The following HEATR3 variants were observed in gnomAD, a reference collection of about 807,000 sequenced individuals.
The protein encoded by HEATR3 is HEAT repeat containing 3, also known as HEAT repeat-containing protein 3.
A neutral mutation model predicts 72.8 loss-of-function variants in HEATR3; 56 were observed. The observed-to-expected ratio is 0.77, with a 90% CI of 0.62 to 0.96. HEATR3 has a LOEUF of 0.96. HEATR3 is among the 40% of genes least tolerant of loss of function. HEATR3 has a pLI of 0.00. For missense variants in HEATR3, 747 were observed against 831.4 expected (o/e 0.90, Z 1.25); for synonymous variants, 331 against 318.1 (o/e 1.04, Z -0.43).
chr16:50,072,791 T>A, intron 5 of HEATR3, 77 bp downstream of exon 5: 3 of 861,712 alleles, frequency 3.5e-6, no homozygotes, highest in Non-Finnish European at 4.0e-6. Context: ...TTGGCGTGTT[T>A]ATTCCACTGG....
chr16:50,080,308 T>C (rs1415377173), intron 7 of HEATR3: 6 of 151,446 alleles, frequency 4.0e-5, no homozygotes, highest in Admixed American at 3.3e-4. Context: ...ATAACAGAAA[T>C]GGGAAGGCCA....
At chr16:50,076,953 C>T (rs1466504294) in intron 6 of HEATR3, among the ~76,000 whole-genome samples, 3 of 151,146 alleles carry the variant, frequency 2.0e-5, no homozygotes, top group East Asian at 1.9e-4. Context: ...CTGCAAGCTC[C>T]GCTTCCCAGG....
chr16:50,091,655 A>G (rs2037113645), intron 11 of HEATR3, among the ~76,000 whole-genome samples: 1 of 151,906 alleles, frequency 6.6e-6, no homozygotes, highest in Admixed American at 6.6e-5. Flanking sequence ...CGGGCAGATC[A>G]TGAGGTCAGG....
chr16:50,083,644 C>T (rs978013769), intron 7 of HEATR3, among the ~76,000 whole-genome samples: 10 of 152,118 alleles, frequency 6.6e-5, no homozygotes, highest in African/African-American at 2.4e-4. Flanking sequence ...GAATTCTGTT[C>T]AGAATTCCTG....
At position 50,100,276 on chromosome 16, in the gene HEATR3, ATAG is replaced by A; in HGVS notation, c.1652_1654del (p.Ser551del). 1 of 1,613,998 alleles carries A rather than the reference ATAG, an allele frequency of 6.2e-7. No individual in the cohort carries two copies. Among genetic ancestry groups the A allele is most frequent in the Non-Finnish European group, 8.5e-7 (1 of 1,179,898 alleles). On this transcript the variant is annotated inframe_deletion, in exon 13 of 15. Coordinates refer to ENST00000299192, the MANE Select transcript of HEATR3 (RefSeq NM_182922.4). Reference sequence around the variant, plus strand: ...ATGACATTATGCAAAGCAGGCATTCATAGTAGTAATGTCGGGGTTAGAGTGAAT... The same window carrying A: ...ATGACATTATGCAAAGCAGGCATTCATAGTAATGTCGGGGTTAGAGTGAAT...
chr16:50,094,658 C>A, intron 11 of HEATR3, 47 bp from the exon 12 acceptor site: 2 of 1,077,844 alleles, frequency 1.9e-6, no homozygotes, highest in Admixed American at 2.4e-5. Flanking sequence ...TACAAAATAG[C>A]CTATCTTGGA....
intron 4 of HEATR3, among the ~76,000 whole-genome samples, chr16:50,070,687 G>A (rs2036592309): frequency 6.6e-6 from 1 of 151,958 alleles, no homozygotes; most frequent in Non-Finnish European, 1.5e-5. Context: ...GGGGGACAGG[G>A]CGAAATTCCT....
chr16:50,095,258 C>T (rs2150622393), intron 12 of HEATR3, among the ~76,000 whole-genome samples: 1 of 152,166 alleles, frequency 6.6e-6, no homozygotes, highest in African/African-American at 2.4e-5. Flanking sequence ...GGATTACAGG[C>T]ATGCGTCACC....
chr16:50,079,793 A>G (rs1461596754), intron 7 of HEATR3, among the ~76,000 whole-genome samples: 1 of 152,142 alleles, frequency 6.6e-6, no homozygotes, highest in African/African-American at 2.4e-5. Context: ...TTAAGATGTA[A>G]TTTCCAGCCT....
At position 50,068,765 on chromosome 16, in the gene HEATR3, A is replaced by G. The variant is rs1257863669; in HGVS notation, c.312-15A>G. 6.2e-7 allele frequency: 1 copy of G among 1,600,082 alleles called. No individual in the cohort carries two copies. Among genetic ancestry groups the G allele is most frequent in the African/African-American group, 1.3e-5 (1 of 74,604 alleles). ...GTGATGTGAAAGTAAAACATGTTTT[A>G]AACTTCTTGTGTAGAAATCTCAGTG... On this transcript the variant is annotated splice_polypyrimidine_tract_variant and intron_variant, in intron 2 of 14. Transcript: ENST00000299192.
chr16:50,075,620 T>C lies in HEATR3; in HGVS notation c.672T>C (p.Ser224=), dbSNP rs2036708963. ...VTEDNPELLK[S]FSATALNMLE... ...AGGATAACCCAGAGCTGCTGAAGTC[T>C]TTCAGTGCTACAGCATTGAACATGC... Residue 224 remains serine (S), a synonymous_variant, in exon 6 of 15, where the codon TCT becomes TCC. Coordinates refer to ENST00000299192, the MANE Select transcript of HEATR3 (RefSeq NM_182922.4). The C allele has an allele frequency of 6.2e-7, 1 of 1,613,150 alleles. No homozygotes were observed. Among genetic ancestry groups the C allele is most frequent in the African/African-American group, 1.3e-5 (1 of 75,042 alleles).
chr16:50,082,435 C>T (rs2036887579), intron 7 of HEATR3, among the ~76,000 whole-genome samples: 1 of 152,120 alleles, frequency 6.6e-6, no homozygotes, highest in Non-Finnish European at 1.5e-5. Flanking sequence ...AGCTTTGAAT[C>T]TCCTCTAATA....
rs985996661 is a variant in HEATR3 at position 50,106,273 on chromosome 16, C to G, written c.*1212C>G. 4 of 152,050 alleles carry G rather than the reference C, an allele frequency of 2.6e-5. No individual in the cohort carries two copies. The highest frequency in any genetic ancestry group is 9.7e-5 in the African/African-American group (4 of 41,406). 9.4% of individuals were successfully genotyped at this position (152,050 alleles called of 1,614,324 possible). The stretch of plus-strand genomic sequence containing the variant: ...AATGAGCTAATGGGGTCATTGCCAT[C>G]CTCCCTACTCATGACTTTGATGAGT... On this transcript the variant is annotated 3_prime_UTR_variant, in exon 15 of 15. Transcript: ENST00000299192.
intron 7 of HEATR3, 95 bp downstream of exon 7, chr16:50,079,113 A>T: frequency 1.6e-6 from 2 of 1,261,434 alleles, no homozygotes; most frequent in Non-Finnish European, 2.2e-6. Context: ...TTATAGCAAA[A>T]TTAGCTATAA....
At chr16:50,101,059 G>A (rs1362365949) in intron 13 of HEATR3, among the ~76,000 whole-genome samples, 1 of 151,720 alleles carries the variant, frequency 6.6e-6, no homozygotes, top group African/African-American at 2.4e-5. Context: ...TTACAATGAT[G>A]ACTGATGTTT....
intron 11 of HEATR3, among the ~76,000 whole-genome samples, chr16:50,090,773 G>T (rs181385177): frequency 6.6e-6 from 1 of 152,180 alleles, no homozygotes; most frequent in Non-Finnish European, 1.5e-5. Context: ...GAATCAGAAC[G>T]TTCTTTTTTA....
chr16:50,067,507 A>G (rs1031416389), intron 2 of HEATR3, among the ~76,000 whole-genome samples: 2 of 106,442 alleles, frequency 1.9e-5, no homozygotes, highest in Admixed American at 1.1e-4. Flanking sequence ...TGACGTGGTT[A>G]AACAGCAGAG....
At chr16:50,094,900 T>C (rs1179989889) in intron 12 of HEATR3, 107 bp downstream of exon 12, 1 of 601,736 alleles carries the variant, frequency 1.7e-6, no homozygotes, top group Non-Finnish European at 2.9e-6. Flanking sequence ...GTTACAAGAA[T>C]AATATGTGAT....
chr16:50,100,061 T>G (rs567268589), intron 12 of HEATR3, among the ~76,000 whole-genome samples, 169 bp from the exon 13 acceptor site: 6 of 149,600 alleles, frequency 4.0e-5, no homozygotes, highest in South Asian at 4.3e-4. Flanking sequence ...TTACCAGCTC[T>G]GTCTGGGAGA....
Sources: allele counts gnomAD v4.1 joint callset (sites outside exome capture counted in the v4.1 genomes callset), GRCh38; gene constraint gnomAD v4.1.1; transcripts MANE v1.5; gene names NCBI Gene and HGNC (gene_info 2026-07-23, HGNC 2026-07-21).